PRDM2: variants seen among roughly 807,000 people sequenced by gnomAD.
The protein encoded by PRDM2 is PR domain zinc finger protein 2.
In PRDM2, 30 loss-of-function variants were observed where a neutral mutation model predicts 130.0. The observed-to-expected ratio is 0.23, with a 90% CI of 0.17 to 0.31. The LOEUF is 0.31. Among genes scored for constraint, PRDM2 ranks in the 10% least tolerant of loss-of-function variants. The probability of loss-of-function intolerance (pLI) is 1.00; values close to 1 mark genes in which losing one functional copy is unlikely to be tolerated. For missense variants in PRDM2, 2,011 were observed against 2,108.4 expected, an observed-to-expected ratio of 0.95 and a Z score of 0.90; for synonymous variants, 871 against 782.4, an observed-to-expected ratio of 1.11 and a Z score of -1.89.
chr1:13,784,313 AT>A (rs1312969108), intron 8 of PRDM2, among the ~76,000 whole-genome samples: 2 of 152,208 alleles, frequency 1.3e-5, no homozygotes, highest in African/African-American at 4.8e-5. Context: ...CCAACAGGAC[AT>A]GATCAAATTG....
intron 4 of PRDM2, among the ~76,000 whole-genome samples, chr1:13,737,966 C>T (rs930207677): frequency 6.6e-6 from 1 of 151,902 alleles, no homozygotes; most frequent in Non-Finnish European, 1.5e-5. Flanking sequence ...TAGAAGTGAC[C>T]TAGATCTTTC....
intron 2 of PRDM2, among the ~76,000 whole-genome samples, chr1:13,716,749 C>T (rs1028209937): frequency 3.9e-5 from 6 of 152,212 alleles, no homozygotes; most frequent in African/African-American, 1.4e-4. Flanking sequence ...TCAATATCAT[C>T]TCTCTTGTAG....
At chr1:13,754,741 C>G (rs1279151168) in intron 6 of PRDM2, among the ~76,000 whole-genome samples, 1 of 152,224 alleles carries the variant, frequency 6.6e-6, no homozygotes, top group Non-Finnish European at 1.5e-5. Context: ...TAGATGGGCC[C>G]TATGCCTACT....
intron 9 of PRDM2, among the ~76,000 whole-genome samples, chr1:13,818,748 G>A (rs1645299780): frequency 6.6e-6 from 1 of 151,986 alleles, no homozygotes; most frequent in Admixed American, 6.6e-5. Flanking sequence ...CTGGGGTTTG[G>A]GGAGGGGAGC....
chr1:13,741,739 T>TGTGTGTGTGTGTGTGTGTGG (rs1303934241), intron 4 of PRDM2, among the ~76,000 whole-genome samples: 1 of 149,802 alleles, frequency 6.7e-6, no homozygotes, highest in African/African-American at 2.5e-5. Flanking sequence ...TGTGTGTGTG[T>TGTGTGTGTGTGTGTGTGTGG]GTGTGTGTGT....
chr1:13,723,525 C>T (rs1254491079), intron 2 of PRDM2, among the ~76,000 whole-genome samples: 2 of 152,226 alleles, frequency 1.3e-5, no homozygotes, highest in Non-Finnish European at 2.9e-5. Flanking sequence ...GGATCAGCAG[C>T]AGGGTTTGGC....
intron 8 of PRDM2, among the ~76,000 whole-genome samples, chr1:13,809,954 T>G (rs533972637): frequency 6.6e-6 from 1 of 152,302 alleles, no homozygotes; most frequent in Non-Finnish European, 1.5e-5. Flanking sequence ...GACTGCCACC[T>G]TCTGTCTGTG....
intron 2 of PRDM2, among the ~76,000 whole-genome samples, chr1:13,723,450 T>G (rs1335212511): frequency 6.6e-6 from 1 of 152,070 alleles, no homozygotes. Context: ...CTGAATAACT[T>G]CAGGTTGGAA....
At chr1:13,721,525 T>G (rs1642729261) in intron 2 of PRDM2, among the ~76,000 whole-genome samples, 1 of 152,152 alleles carries the variant, frequency 6.6e-6, no homozygotes. Context: ...AATGTGTAGT[T>G]TAGGAAATTA....
At chr1:13,807,290 C>A (rs1166165565) in intron 8 of PRDM2, among the ~76,000 whole-genome samples, 1 of 152,232 alleles carries the variant, frequency 6.6e-6, no homozygotes, top group Non-Finnish European at 1.5e-5. Flanking sequence ...GCACCTGGCA[C>A]AGAATAGACA....
At position 13,752,843 on chromosome 1, in the gene PRDM2, C is replaced by G. The variant is rs143294167; in HGVS notation, c.511+3356C>G. On this transcript the variant is annotated intron_variant, in intron 6 of 9. Transcript: ENST00000311066. The stretch of plus-strand genomic sequence containing the variant: ...CCTTTCTGAGATGAAGTTTCCCTAG[C>G]CTTAAAAATGAATATCATCATATCG... Among the ~76,000 whole-genome samples the G allele has an allele frequency of 1.8e-4, 27 of 152,298 alleles. No individual in the cohort carries two copies. The East Asian group carries it at 4.6e-3, about 26-fold the overall frequency.
chr1:13,783,058 A>G (rs1644654708), intron 8 of PRDM2: 2 of 965,326 alleles, frequency 2.1e-6, no homozygotes, highest in African/African-American at 1.7e-5. Flanking sequence ...CACTTCTTTA[A>G]TGTGGCCAGA....
chr1:13,800,799 G>T (rs147703734), intron 8 of PRDM2, among the ~76,000 whole-genome samples: 46 of 151,152 alleles, frequency 3.0e-4, no homozygotes, highest in Admixed American at 1.5e-3. Context: ...AGGAGGGTTG[G>T]GGGGGGTCTC....
chr1:13,822,382 G>A (rs1257451162), intron 9 of PRDM2, among the ~76,000 whole-genome samples: 1 of 148,816 alleles, frequency 6.7e-6, no homozygotes, highest in African/African-American at 2.5e-5. Flanking sequence ...GATAGAGGTG[G>A]TGTATTTCTT....
chr1:13,731,272 A>G (rs1643098233), intron 3 of PRDM2, among the ~76,000 whole-genome samples, 155 bp downstream of exon 3: 2 of 152,148 alleles, frequency 1.3e-5, no homozygotes, highest in South Asian at 4.1e-4. Context: ...TTTTCTAGTC[A>G]AGAATCCAGG....
intron 8 of PRDM2, among the ~76,000 whole-genome samples, chr1:13,804,594 G>C (rs185135057): frequency 7.9e-5 from 12 of 152,268 alleles, no homozygotes; most frequent in East Asian, 7.7e-4. Flanking sequence ...CAAGCTCCGG[G>C]GGGGGAAATG....
rs1477595264 is a variant in PRDM2, at chr1:13,779,397, C to G, written c.1602C>G (p.Thr534=). The G allele has an allele frequency of 6.2e-7, 1 of 1,613,964 alleles. No homozygotes were observed. Among genetic ancestry groups the G allele is most frequent in the Non-Finnish European group, 8.5e-7 (1 of 1,180,024 alleles). The part of the protein sequence containing the change: ...PQPPAEQAQA[T]QNVYVPSTEP... Reference sequence around the variant, plus strand: ...CTCCAGCAGAACAGGCCCAGGCCACCCAGAACGTGTATGTACCAAGCACAG... The same window carrying G: ...CTCCAGCAGAACAGGCCCAGGCCACGCAGAACGTGTATGTACCAAGCACAG... The change falls in exon 8 of 10, where the codon ACC becomes ACG. Residue 534 remains threonine, a synonymous_variant. Transcript: ENST00000311066. The surrounding 1 kb of genome is among the most constrained non-coding windows in gnomAD (Gnocchi z 4.9).
chr1:13,793,994 T>C (rs943373638), intron 8 of PRDM2, among the ~76,000 whole-genome samples: 1 of 152,150 alleles, frequency 6.6e-6, no homozygotes, highest in Non-Finnish European at 1.5e-5. Flanking sequence ...CCAGGGCCCC[T>C]CATGGGAGCA....
chr1:13,789,630 T>C (rs989718373), intron 8 of PRDM2, among the ~76,000 whole-genome samples: 14 of 152,208 alleles, frequency 9.2e-5, no homozygotes, highest in Non-Finnish European at 4.4e-5. Context: ...CTACTAAAAT[T>C]ATAGCTCACT....
Sources: allele counts gnomAD v4.1 joint callset (sites outside exome capture counted in the v4.1 genomes callset), GRCh38; gene constraint gnomAD v4.1.1; non-coding constraint Gnocchi (gnomAD v3.1); transcripts MANE v1.5; gene names NCBI Gene and HGNC (gene_info 2026-07-23, HGNC 2026-07-21).